TAS2R1: variants seen among roughly 807,000 people sequenced by gnomAD.
The protein encoded by TAS2R1 is taste receptor type 2 member 1.
For synonymous variants in TAS2R1, 141 were observed against 134.2 expected, an observed-to-expected ratio of 1.05 and a Z score of -0.35; for missense variants, 370 against 353.4, an observed-to-expected ratio of 1.05 and a Z score of -0.38.
At chr5:9,732,729 A>G in the TAS2R1 span, among the ~76,000 whole-genome samples, 2 of 152,224 alleles carry the variant, frequency 1.3e-5, no homozygotes, top group Non-Finnish European at 2.9e-5. Context: ...TCATAAGGCA[A>G]AAAAGCTTCC....
At chr5:9,735,069 G>A in the TAS2R1 span, among the ~76,000 whole-genome samples, 11 of 151,252 alleles carry the variant, frequency 7.3e-5, no homozygotes, top group South Asian at 2.1e-4. Context: ...GGAAGCAGGC[G>A]CGTCTTCACG....
chr5:9,735,713 A>G, the TAS2R1 span, among the ~76,000 whole-genome samples: 2 of 152,254 alleles, frequency 1.3e-5, no homozygotes, highest in East Asian at 1.9e-4. Context: ...AGTAAATTAT[A>G]TACTTACATC....
At chr5:9,752,694 C>A in the TAS2R1 span, among the ~76,000 whole-genome samples, 1 of 151,288 alleles carries the variant, frequency 6.6e-6, no homozygotes, top group Admixed American at 6.6e-5. Flanking sequence ...TGCTATCCCT[C>A]CCCTTCCCCC....
the TAS2R1 span, among the ~76,000 whole-genome samples, chr5:9,861,037 G>GTTTTTTGTTTTTTTTTTTTTT: frequency 1.1e-5 from 1 of 88,612 alleles, no homozygotes; most frequent in African/African-American, 4.3e-5. Flanking sequence ...GGAAGATGAG[G>GTTTTTTGTTTTTTTTTTTTTT]TTTTTTTTTT....
At chr5:9,846,503 AACAG>A in the TAS2R1 span, among the ~76,000 whole-genome samples, 2 of 152,180 alleles carry the variant, frequency 1.3e-5, no homozygotes, top group African/African-American at 4.8e-5. Flanking sequence ...AATAAGTTAA[AACAG>A]ACAGAACAGA....
At chr5:9,652,254 C>G (rs1471158447) in intron 2 of TAS2R1, among the ~76,000 whole-genome samples, 2 of 152,226 alleles carry the variant, frequency 1.3e-5, no homozygotes, top group Non-Finnish European at 2.9e-5. Flanking sequence ...TGGGACCCAA[C>G]TACACATCGT....
intron 1 of TAS2R1, among the ~76,000 whole-genome samples, chr5:9,665,229 A>T (rs1379953239): frequency 6.6e-6 from 1 of 152,212 alleles, no homozygotes; most frequent in Admixed American, 6.5e-5. Context: ...AGCCCTGCTC[A>T]TGCCTTGGTT....
At chr5:9,820,927 T>C in the TAS2R1 span, among the ~76,000 whole-genome samples, 1 of 151,980 alleles carries the variant, frequency 6.6e-6, no homozygotes, top group South Asian at 2.1e-4. Flanking sequence ...TCTCCTGCCA[T>C]CATCAGCCTA....
chr5:9,807,160 G>A, the TAS2R1 span, among the ~76,000 whole-genome samples: 1,689 of 151,892 alleles, frequency 0.011, 24 homozygotes, highest in African/African-American at 0.035. Flanking sequence ...AATACCGAAC[G>A]TCACTAATTA....
At chr5:9,723,046 A>G in the TAS2R1 span, among the ~76,000 whole-genome samples, 1 of 152,268 alleles carries the variant, frequency 6.6e-6, no homozygotes, top group South Asian at 2.1e-4. Flanking sequence ...GAGTGAAAGC[A>G]GGATGGAGAT....
chr5:9,784,650 T>C, the TAS2R1 span, among the ~76,000 whole-genome samples: 1 of 152,340 alleles, frequency 6.6e-6, no homozygotes, highest in Middle Eastern at 3.4e-3. Context: ...TCCTGGAGGC[T>C]GAAAGTCCAA....
chr5:9,837,847 G>T, the TAS2R1 span, among the ~76,000 whole-genome samples: 1 of 152,166 alleles, frequency 6.6e-6, no homozygotes, highest in Non-Finnish European at 1.5e-5. Context: ...GTTGCTATGG[G>T]CCCAGCACTA....
At chr5:9,685,856 TC>T (rs1366978053) in intron 1 of TAS2R1, among the ~76,000 whole-genome samples, 1 of 152,154 alleles carries the variant, frequency 6.6e-6, no homozygotes, top group Non-Finnish European at 1.5e-5. Context: ...TTTGATTGTA[TC>T]TTTTCGTTTG....
intron 1 of TAS2R1, among the ~76,000 whole-genome samples, chr5:9,685,118 G>C (rs1371109729): frequency 1.3e-5 from 2 of 152,166 alleles, no homozygotes; most frequent in African/African-American, 4.8e-5. Flanking sequence ...GAAGGGTCTG[G>C]ATTAGCAGCA....
chr5:9,884,336 T>C, the TAS2R1 span, among the ~76,000 whole-genome samples: 2 of 151,620 alleles, frequency 1.3e-5, no homozygotes, highest in East Asian at 3.9e-4. Context: ...TAGCTGGGTG[T>C]GGTGGTGGGC....
rs943693608 is a variant in TAS2R1 at position 9,628,265 on chromosome 5, G to A, written c.*868C>T. Among the ~76,000 whole-genome samples the A allele has an allele frequency of 6.6e-5, 10 of 152,046 alleles. No homozygotes were observed. The highest frequency in any genetic ancestry group is 2.4e-4 in the African/African-American group (10 of 41,374). On this transcript the variant is annotated 3_prime_UTR_variant, in exon 1 of 1. Coordinates refer to ENST00000382492, the MANE Select transcript of TAS2R1 (RefSeq NM_019599.3). The stretch of plus-strand genomic sequence containing the variant: ...CCCCCAGCCCCACCCACCTACTGAT[G>A]TTGCTTCATTGGGAAGACAGGCAAT...
chr5:9,774,853 C>G, the TAS2R1 span, among the ~76,000 whole-genome samples: 6 of 152,260 alleles, frequency 3.9e-5, no homozygotes, highest in Non-Finnish European at 8.8e-5. Flanking sequence ...GTGGCCACCA[C>G]CAGTGGGAGT....
At chr5:9,839,830 T>C in the TAS2R1 span, among the ~76,000 whole-genome samples, 1 of 152,226 alleles carries the variant, frequency 6.6e-6, no homozygotes, top group Non-Finnish European at 1.5e-5. Flanking sequence ...TCATTTTTCC[T>C]GCCTTCCATA....
intron 1 of TAS2R1, among the ~76,000 whole-genome samples, chr5:9,667,799 C>T (rs1260231524): frequency 2.6e-5 from 4 of 152,144 alleles, no homozygotes; most frequent in Middle Eastern, 6.8e-3. Flanking sequence ...AATTCAAATA[C>T]TGAAGGAACA....
Sources: allele counts gnomAD v4.1 joint callset (sites outside exome capture counted in the v4.1 genomes callset), GRCh38; gene constraint gnomAD v4.1.1; transcripts MANE v1.5; gene names NCBI Gene and HGNC (gene_info 2026-07-23, HGNC 2026-07-21).